TANGO6: variants seen among roughly 807,000 people sequenced by gnomAD.
TANGO6 encodes the protein transport and golgi organization 6 homolog, also known as transport and Golgi organization protein 6 homolog.
A neutral mutation model predicts 114.2 loss-of-function variants in TANGO6; 90 were observed. The observed-to-expected ratio is 0.79, with a 90% CI of 0.66 to 0.94. TANGO6 has a LOEUF of 0.94. Ranked by LOEUF, TANGO6 falls within the 40% of genes least tolerant of loss-of-function variation. The pLI, the probability that TANGO6 is intolerant of heterozygous loss-of-function variation, is 0.00. For synonymous variants in TANGO6, 477 were observed against 509.8 expected (o/e 0.94, Z 0.87); for missense variants, 1,274 against 1,315.3 (o/e 0.97, Z 0.49).
intron 1 of TANGO6, chr16:68,846,524 C>G: frequency 3.0e-6 from 1 of 331,796 alleles, no homozygotes; most frequent in Non-Finnish European, 5.8e-6. Context: ...TAGACGGAGT[C>G]TTGCTCTGTC....
chr16:69,004,987 T>C (rs1258629537), intron 15 of TANGO6, among the ~76,000 whole-genome samples: 1 of 152,060 alleles, frequency 6.6e-6, no homozygotes, highest in Non-Finnish European at 1.5e-5. Context: ...TAACCCACAA[T>C]TCTAGAGGGA....
At chr16:69,059,818 C>T (rs1329143804) in intron 17 of TANGO6, among the ~76,000 whole-genome samples, 2 of 152,154 alleles carry the variant, frequency 1.3e-5, no homozygotes, top group Non-Finnish European at 2.9e-5. Flanking sequence ...GAGAGATCTT[C>T]CTGAGATGCA....
At chr16:69,058,758 C>A (rs987847874) in intron 17 of TANGO6, among the ~76,000 whole-genome samples, 1 of 152,026 alleles carries the variant, frequency 6.6e-6, no homozygotes, top group Non-Finnish European at 1.5e-5. Context: ...CTCTGCTTCC[C>A]GTGTTCACAC....
chr16:68,920,397 T>C (rs1313346132), intron 12 of TANGO6, among the ~76,000 whole-genome samples: 1 of 152,158 alleles, frequency 6.6e-6, no homozygotes, highest in Non-Finnish European at 1.5e-5. Context: ...CTTGAGACAC[T>C]GATGGAAGGC....
intron 14 of TANGO6, among the ~76,000 whole-genome samples, chr16:68,954,085 C>T (rs1167739886): frequency 6.7e-6 from 1 of 149,304 alleles, no homozygotes; most frequent in Non-Finnish European, 1.5e-5. Flanking sequence ...ACTAAAAATA[C>T]AAAAAAAAAG....
chr16:68,903,630 A>AAG (rs1962812814), intron 9 of TANGO6, among the ~76,000 whole-genome samples: 1 of 150,638 alleles, frequency 6.6e-6, no homozygotes, highest in Admixed American at 6.6e-5. Context: ...AAAAAAAAAA[A>AAG]AAAAAGAAGG....
chr16:68,857,164 T>C (rs1023203705), intron 1 of TANGO6, among the ~76,000 whole-genome samples: 3 of 152,108 alleles, frequency 2.0e-5, no homozygotes, highest in African/African-American at 7.2e-5. Flanking sequence ...TCCTGCCCCA[T>C]CCCTGATCTC....
chr16:68,913,340 A>G (rs1484097426), intron 11 of TANGO6, among the ~76,000 whole-genome samples: 2 of 151,550 alleles, frequency 1.3e-5, no homozygotes, highest in Admixed American at 1.3e-4. Context: ...GAGAAACTGG[A>G]AATCTAGATG....
chr16:68,940,158 CCTTCCTTT>C (rs1280481042), intron 14 of TANGO6, among the ~76,000 whole-genome samples: 2 of 145,270 alleles, frequency 1.4e-5, no homozygotes, highest in East Asian at 4.0e-4. Flanking sequence ...GTTTTTCCTT[CCTTCCTTT>C]CTTCCTTCCT....
intron 14 of TANGO6, among the ~76,000 whole-genome samples, chr16:68,956,536 G>A (rs779935617): frequency 1.8e-4 from 27 of 152,128 alleles, no homozygotes; most frequent in Non-Finnish European, 4.0e-4. Context: ...ACTAAGCAGA[G>A]CAGGAGGGAA....
intron 11 of TANGO6, 90 bp downstream of exon 11, chr16:68,909,492 A>C: frequency 4.1e-6 from 5 of 1,216,448 alleles, no homozygotes; most frequent in Non-Finnish European, 5.4e-6. Flanking sequence ...ATTTGATGAC[A>C]CCTGGATCAT....
At chr16:68,929,483 C>T (rs1963212717) in intron 13 of TANGO6, among the ~76,000 whole-genome samples, 2 of 152,154 alleles carry the variant, frequency 1.3e-5, no homozygotes, top group South Asian at 2.1e-4. Context: ...TTAGGCTCTC[C>T]GTACATACTT....
rs570304972 is a variant in TANGO6, at chr16:68,998,105, T to C, written c.2842+23937T>C. ...AGTACAATGACAATATATTCCACAG[T>C]AGTAAAGCAAAATAAGTGAAATTAT... On this transcript the variant is annotated intron_variant, in intron 15 of 17. Transcript: ENST00000261778. Among the ~76,000 whole-genome samples the C allele has an allele frequency of 3.6e-3, 548 of 152,312 alleles. 3 individuals are homozygous for C. The highest frequency in any genetic ancestry group is 7.0e-3 in the Non-Finnish European group (477 of 68,014).
chr16:68,990,937 T>C (rs1187630501), intron 15 of TANGO6, among the ~76,000 whole-genome samples: 2 of 152,192 alleles, frequency 1.3e-5, no homozygotes, highest in Non-Finnish European at 2.9e-5. Context: ...GGGACAAGAC[T>C]TGAAGCAGAG....
At chr16:68,854,387 G>A (rs533532902) in intron 1 of TANGO6, among the ~76,000 whole-genome samples, 1 of 152,234 alleles carries the variant, frequency 6.6e-6, no homozygotes, top group South Asian at 2.1e-4. Flanking sequence ...TAAGGCTGCA[G>A]TGAGCTGGAA....
In TANGO6 at chr16:68,880,572, C is replaced by T. The variant is rs375343082; in HGVS notation, c.1319C>T (p.Pro440Leu). 192 of 1,612,358 alleles carry T rather than the reference C, an allele frequency of 1.2e-4. 3 individuals are homozygous for T. The South Asian group carries it at 1.3e-3, about 11-fold the overall frequency. Reference sequence around the variant, plus strand: ...GAGCTTTCAGAGAGTGACATGGTACCAGGAACTATTTTGGTGACAGAAGAA... The same window carrying T: ...GAGCTTTCAGAGAGTGACATGGTACTAGGAACTATTTTGGTGACAGAAGAA... ...TAELSESDMV[P>L]GTILVTEEEL... Residue 440 changes from proline to leucine, a missense_variant, in exon 7 of 18, where the codon CCA becomes CTA. Coordinates refer to ENST00000261778, the MANE Select transcript of TANGO6 (RefSeq NM_024562.2).
At chr16:68,945,372 TA>T (rs558201885) in intron 14 of TANGO6, among the ~76,000 whole-genome samples, 3 of 152,288 alleles carry the variant, frequency 2.0e-5, no homozygotes, top group East Asian at 1.9e-4. Flanking sequence ...TTTTTTATTT[TA>T]TTTTTTTTTA....
At chr16:68,872,260 A>G (rs1171619740) in intron 4 of TANGO6, among the ~76,000 whole-genome samples, 1 of 150,880 alleles carries the variant, frequency 6.6e-6, no homozygotes, top group Admixed American at 6.6e-5. Flanking sequence ...CTTGTCTTCT[A>G]ATTCTGTTAT....
rs34350425 is a variant in TANGO6 at position 69,020,904 on chromosome 16, ATGTGTGTGTGTGTG to A, written c.2843-1899_2843-1886del. ...CCACCCCCCCTTTATATATGTATGTATGTGTGTGTGTGTGTGTGTGTGTGTGTGTGTGTGTGTGG... is the reference window on the plus strand; with the variant it reads ...CCACCCCCCCTTTATATATGTATGTATGTGTGTGTGTGTGTGTGTGTGTGG... On this transcript the variant is annotated intron_variant, in intron 15 of 17. Transcript: ENST00000261778. Among the ~76,000 whole-genome samples the A allele has an allele frequency of 4.5e-4, 39 of 87,364 alleles. No individual in the cohort carries two copies. In the Middle Eastern group the frequency reaches 0.037, roughly 83 times the overall value. The allele number at this position is 87,364 out of a possible 152,430, so 57.3% of individuals were successfully genotyped here.
Sources: allele counts gnomAD v4.1 joint callset (sites outside exome capture counted in the v4.1 genomes callset), GRCh38; gene constraint gnomAD v4.1.1; transcripts MANE v1.5; gene names NCBI Gene and HGNC (gene_info 2026-07-23, HGNC 2026-07-21).